The following TRPC6 variants were observed in gnomAD, a reference collection of about 807,000 sequenced individuals.
The protein encoded by TRPC6 is short transient receptor potential channel 6.
A neutral mutation model predicts 90.7 loss-of-function variants in TRPC6; 55 were observed. The ratio of observed to expected loss-of-function variants is 0.61; its 90% CI spans 0.49 to 0.76. The LOEUF is 0.76. TRPC6 is among the 30% of genes least tolerant of loss of function. TRPC6 has a pLI of 0.00. For missense variants in TRPC6, 989 were observed against 1,122.7 expected, an observed-to-expected ratio of 0.88 and a Z score of 1.70; for synonymous variants, 393 against 393.0, an observed-to-expected ratio of 1.00 and a Z score of 0.00.
At chr11:101,521,344 A>C (rs2136778154) in intron 1 of TRPC6, among the ~76,000 whole-genome samples, 1 of 152,336 alleles carries the variant, frequency 6.6e-6, no homozygotes, top group South Asian at 2.1e-4. Flanking sequence ...GGTGCAAACC[A>C]TAAGCCTTGG....
In TRPC6 at chr11:101,471,288, C is replaced by T. The variant is rs201608841; in HGVS notation, c.2304G>A (p.Pro768=). The T allele has an allele frequency of 2.9e-5, 47 of 1,613,840 alleles. No individual in the cohort carries two copies. The highest frequency in any genetic ancestry group is 4.5e-5 in the East Asian group (2 of 44,882). ...RTLPVPFNLV[P]SPKSLFYLLL... Reference sequence around the variant, plus strand: ...AGAGATAAAACAGGGACTTTGGACTCGGCACCAGATTGAAGGGTACAGGAA... The same window carrying T: ...AGAGATAAAACAGGGACTTTGGACTTGGCACCAGATTGAAGGGTACAGGAA... The change falls in exon 9 of 13, where the codon CCG becomes CCA. Residue 768 remains proline (P), a synonymous_variant. Transcript: ENST00000344327.
chr11:101,478,073 C>A (rs1373928009), intron 5 of TRPC6, among the ~76,000 whole-genome samples: 1 of 152,172 alleles, frequency 6.6e-6, no homozygotes, highest in Non-Finnish European at 1.5e-5. Context: ...CAGCAACCAC[C>A]TGCCTCAAAT....
At chr11:101,528,079 AT>A (rs1221096645) in intron 1 of TRPC6, among the ~76,000 whole-genome samples, 5 of 151,640 alleles carry the variant, frequency 3.3e-5, no homozygotes, top group African/African-American at 7.3e-5. Flanking sequence ...TCTCAAAAAA[AT>A]ATATATATAT....
chr11:101,552,834 T>C (rs1029532736), intron 1 of TRPC6, among the ~76,000 whole-genome samples: 4 of 152,114 alleles, frequency 2.6e-5, no homozygotes, highest in Admixed American at 2.6e-4. Flanking sequence ...TGGAATAACA[T>C]GAGTAAATGA....
Position 101,504,464 on chromosome 11 carries a change from T to C in TRPC6, c.505A>G (p.Ile169Val). 2.5e-6 allele frequency: 4 copies of C among 1,614,102 alleles called. No individual in the cohort carries two copies. In the African/African-American group the frequency reaches 4.0e-5, roughly 16 times the overall value. The stretch of plus-strand genomic sequence containing the variant: ...ACAATCCGAACATAACCTTTACTAA[T>C]AGCTAGAAGCAAAGCATCCCCAACT... ...SRVGDALLLA[I>V]SKGYVRIVEA... The change falls in exon 2 of 13, where the codon ATT becomes GTT. Residue 169 changes from isoleucine (I) to valine (V), a missense_variant. Ile to Val is a conservative substitution (Grantham distance 29). Transcript: ENST00000344327.
At chr11:101,453,507 C>G in intron 12 of TRPC6, 143 bp downstream of exon 12, 1 of 809,492 alleles carries the variant, frequency 1.2e-6, no homozygotes, top group Non-Finnish European at 2.1e-6. Context: ...TTTAACAGAA[C>G]GGCGGTTGGT....
intron 5 of TRPC6, 45 bp from the exon 6 acceptor site, chr11:101,476,579 C>T: frequency 2.6e-6 from 4 of 1,520,016 alleles, no homozygotes; most frequent in Non-Finnish European, 3.7e-6. Context: ...CGCATTCAGC[C>T]TTAGCTGTTC....
At chr11:101,579,653 G>A (rs1426563893) in intron 1 of TRPC6, among the ~76,000 whole-genome samples, 1 of 152,140 alleles carries the variant, frequency 6.6e-6, no homozygotes, top group African/African-American at 2.4e-5. Context: ...TAGTTAGGTA[G>A]GGTATAAAAA....
intron 1 of TRPC6, among the ~76,000 whole-genome samples, chr11:101,549,509 G>C (rs1184387011): frequency 1.3e-5 from 2 of 151,306 alleles, no homozygotes; most frequent in Non-Finnish European, 3.0e-5. Context: ...ACTTTGATGA[G>C]TTACAAGAGG....
intron 1 of TRPC6, among the ~76,000 whole-genome samples, chr11:101,551,171 T>C (rs1861440809): frequency 6.6e-6 from 1 of 151,960 alleles, no homozygotes; most frequent in Non-Finnish European, 1.5e-5. Context: ...CATCCTTCTA[T>C]AAATAAATAG....
intron 1 of TRPC6, among the ~76,000 whole-genome samples, chr11:101,519,090 A>G (rs1860590580): frequency 6.6e-6 from 1 of 152,184 alleles, no homozygotes; most frequent in Non-Finnish European, 1.5e-5. Flanking sequence ...TAAGGGTACA[A>G]AAAAGAAGAA....
chr11:101,499,603 T>TATATATAA (rs375026688), intron 2 of TRPC6, among the ~76,000 whole-genome samples: 1 of 68,724 alleles, frequency 1.5e-5, no homozygotes, highest in African/African-American at 6.8e-5. Context: ...TATACGTATA[T>TATATATAA]ATGGTATATA....
intron 2 of TRPC6, among the ~76,000 whole-genome samples, chr11:101,499,270 A>G (rs1274860574): frequency 6.6e-6 from 1 of 152,100 alleles, no homozygotes; most frequent in African/African-American, 2.4e-5. Flanking sequence ...CAAGGCAGAA[A>G]AGCTTAGTGA....
chr11:101,466,455 A>G (rs533207059), intron 10 of TRPC6, among the ~76,000 whole-genome samples: 1 of 152,356 alleles, frequency 6.6e-6, no homozygotes, highest in African/African-American at 2.4e-5. Context: ...GCTGAGCTGC[A>G]GTGGGCTCTG....
At chr11:101,496,222 C>T (rs1470456689) in intron 2 of TRPC6, among the ~76,000 whole-genome samples, 1 of 152,164 alleles carries the variant, frequency 6.6e-6, no homozygotes, top group Non-Finnish European at 1.5e-5. Flanking sequence ...CAGGCCCCTC[C>T]TCCAATTCAA....
intron 1 of TRPC6, among the ~76,000 whole-genome samples, chr11:101,519,652 G>A (rs556651437): frequency 1.3e-4 from 19 of 151,632 alleles, no homozygotes; most frequent in African/African-American, 3.1e-4. Flanking sequence ...TCTTTCTTTC[G>A]TACTCCAAAA....
At chr11:101,569,855 G>A (rs1284201013) in intron 1 of TRPC6, among the ~76,000 whole-genome samples, 1 of 152,118 alleles carries the variant, frequency 6.6e-6, no homozygotes, top group Non-Finnish European at 1.5e-5. Flanking sequence ...GAATCTCTGG[G>A]ATGCAGCTGA....
At chr11:101,493,523 C>T (rs187498173) in intron 2 of TRPC6, among the ~76,000 whole-genome samples, 12 of 152,284 alleles carry the variant, frequency 7.9e-5, no homozygotes, top group Admixed American at 7.2e-4. Flanking sequence ...TGCTTGGCCC[C>T]AAGCCTTTTG....
intron 2 of TRPC6, among the ~76,000 whole-genome samples, chr11:101,494,439 T>C (rs1338664208): frequency 1.2e-4 from 19 of 152,208 alleles, no homozygotes; most frequent in Admixed American, 1.2e-3. Context: ...AAATTGTAAC[T>C]ACTTTATTTT....
Sources: gnomAD v4.1 joint callset for allele counts (sites outside exome capture counted in the v4.1 genomes callset) on GRCh38, gnomAD v4.1.1 for gene constraint, MANE v1.5 for transcripts, NCBI Gene and HGNC (gene_info 2026-07-23, HGNC 2026-07-21) for gene names.